The following CELF2 variants were observed in gnomAD, a reference collection of about 807,000 sequenced individuals.
CELF2 encodes CUG triplet repeat RNA-binding protein 2.
CELF2 carries 8 observed loss-of-function variants against 62.6 expected under a neutral mutation model. That is an observed-to-expected ratio of 0.13 (90% CI 0.07 to 0.23). CELF2 has a LOEUF of 0.23. Among genes scored for constraint, CELF2 ranks in the 10% least tolerant of loss-of-function variants. The pLI, the probability that CELF2 is intolerant of heterozygous loss-of-function variation, is 1.00. For synonymous variants in CELF2, 258 were observed against 250.0 expected (o/e 1.03, Z -0.30); for missense variants, 333 against 671.0 (o/e 0.50, Z 5.56).
rs771514885 is a variant in CELF2 at position 11,288,452 on chromosome 10, G to A, written c.876G>A (p.Thr292=). Residue 292 remains threonine (T), a synonymous_variant, in exon 9 of 13, where the codon ACG becomes ACA. Transcript: ENST00000633077. ...CTTTACAGTTGCAGAACCTGGCGAC[G>A]CTGGCTGCTGCTGCAGCTGCGGCCC... ...MNALQLQNLA[T]LAAAAAAAQT... is the part of the protein sequence containing the mutation. The A allele has an allele frequency of 7.4e-6, 12 of 1,613,764 alleles. No homozygotes were observed. Among genetic ancestry groups the A allele is most frequent in the African/African-American group, 4.0e-5 (3 of 74,922 alleles).
chr10:11,239,365 A>T (rs1326347562), intron 3 of CELF2, among the ~76,000 whole-genome samples: 1 of 152,136 alleles, frequency 6.6e-6, no homozygotes, highest in Non-Finnish European at 1.5e-5. Flanking sequence ...CTCCATCACT[A>T]GATTATTAGC....
At chr10:10,744,062 A>T in the CELF2 span, among the ~76,000 whole-genome samples, 1 of 152,052 alleles carries the variant, frequency 6.6e-6, no homozygotes, top group African/African-American at 2.4e-5. Context: ...TCCTCCAAAG[A>T]CTCAGATAAG....
At chr10:10,703,424 G>A in the CELF2 span, among the ~76,000 whole-genome samples, 1 of 152,210 alleles carries the variant, frequency 6.6e-6, no homozygotes, top group Admixed American at 6.5e-5. Context: ...TTAACCAACA[G>A]TGAGACTGTC....
At chr10:10,820,569 GA>G (rs1206243399) in intron 1 of CELF2, among the ~76,000 whole-genome samples, 1 of 152,164 alleles carries the variant, frequency 6.6e-6, no homozygotes, top group Admixed American at 6.5e-5. Context: ...ACAGTAGTGA[GA>G]TAACACAAAA....
the CELF2 span, among the ~76,000 whole-genome samples, chr10:10,662,092 A>T: frequency 9.9e-5 from 15 of 152,114 alleles, no homozygotes; most frequent in Middle Eastern, 3.2e-3. Context: ...TGAGCCATTA[A>T]CAGCCAGCAC....
At chr10:10,790,887 G>T in the CELF2 span, among the ~76,000 whole-genome samples, 1 of 152,000 alleles carries the variant, frequency 6.6e-6, no homozygotes, top group Non-Finnish European at 1.5e-5. Flanking sequence ...AATTCAGTAG[G>T]ACTCTCAAGC....
rs585139 is a variant in CELF2 at position 11,171,637 on chromosome 10, A to G, written c.271+5955A>G. ...CCAGAAGTTTCTTCTGTGCCATGGT[A>G]GAGTGAGGGTAGGCCCTGGGGAAGA... On this transcript the variant is annotated intron_variant, in intron 2 of 12. Transcript: ENST00000633077. 7.2e-3 allele frequency among the ~76,000 whole-genome samples: 1,102 copies of G among 152,316 alleles called. 16 individuals are homozygous for G. Among genetic ancestry groups the G allele is most frequent in the African/African-American group, 0.025 (1,055 of 41,566 alleles).
chr10:11,310,623 C>T (rs1306286913), intron 9 of CELF2, among the ~76,000 whole-genome samples: 1 of 151,530 alleles, frequency 6.6e-6, no homozygotes, highest in Non-Finnish European at 1.5e-5. Context: ...ATGTTCAGGC[C>T]TTTTTTGCTG....
At chr10:11,128,890 C>G (rs2059166393) in intron 1 of CELF2, among the ~76,000 whole-genome samples, 1 of 152,126 alleles carries the variant, frequency 6.6e-6, no homozygotes, top group Admixed American at 6.5e-5. Flanking sequence ...GACTGATTGC[C>G]CTGGCCAGAA....
At position 10,947,397 on chromosome 10, in the gene CELF2, G is replaced by C. The variant is rs1276249434; in HGVS notation, c.89+27398G>C. On this transcript the variant is annotated intron_variant, in intron 2 of 13. Transcript: ENST00000636488. This position sits in a 1 kb window ranked among gnomAD's most constrained non-coding sequence, Gnocchi z 4.1. ...CTGTTCACCATTTGACACAAGAAAT[G>C]AACAGCTCTTTTGCCTTACAAGGCA... 1 of 152,616 alleles carries C rather than the reference G, an allele frequency of 6.6e-6. No individual in the cohort carries two copies. The highest frequency in any genetic ancestry group is 2.4e-5 in the African/African-American group (1 of 41,442). 9.5% of individuals were successfully genotyped at this position (152,616 alleles called of 1,614,324 possible). A position where few individuals can be genotyped will look rare whatever the true frequency, so the allele number is the denominator to read the frequency against.
Position 11,082,240 on chromosome 10 carries a change from C to T in CELF2, c.74+64077C>T, listed in dbSNP as rs542583280. On this transcript the variant is annotated intron_variant, in intron 1 of 12. Coordinates refer to ENST00000633077, the MANE Select transcript of CELF2 (RefSeq NM_001326342.2). ...AAAACATAGGAAAAAAAAATGGTATCCTGCTTCTAGCTCCTTCCAACAGAG... is the reference window on the plus strand; with the variant it reads ...AAAACATAGGAAAAAAAAATGGTATTCTGCTTCTAGCTCCTTCCAACAGAG... Among the ~76,000 whole-genome samples, 13 of 152,318 alleles carry T rather than the reference C, an allele frequency of 8.5e-5. 1 individual carries two copies. The highest frequency in any genetic ancestry group is 3.1e-4 in the African/African-American group (13 of 41,574).
At chr10:10,679,187 A>G in the CELF2 span, among the ~76,000 whole-genome samples, 3 of 152,232 alleles carry the variant, frequency 2.0e-5, no homozygotes, top group Non-Finnish European at 4.4e-5. Context: ...GCAGTATGAT[A>G]TATCTCCAAT....
chr10:10,554,921 A>G, the CELF2 span, among the ~76,000 whole-genome samples: 2 of 152,198 alleles, frequency 1.3e-5, no homozygotes, highest in African/African-American at 4.8e-5. Context: ...AGCATTATAC[A>G]TAGAACATGG....
At chr10:11,087,506 G>C (rs576183344) in intron 1 of CELF2, among the ~76,000 whole-genome samples, 1 of 152,216 alleles carries the variant, frequency 6.6e-6, no homozygotes, top group African/African-American at 2.4e-5. Flanking sequence ...CTGACGGCCC[G>C]TCGACTGACG....
chr10:11,043,143 A>C (rs938490248), intron 1 of CELF2, among the ~76,000 whole-genome samples: 4 of 152,198 alleles, frequency 2.6e-5, no homozygotes, highest in African/African-American at 9.6e-5. Flanking sequence ...TGAGGTTCCA[A>C]CTTGCTGCAT....
At chr10:11,187,390 C>T (rs974142842) in intron 2 of CELF2, among the ~76,000 whole-genome samples, 1 of 152,096 alleles carries the variant, frequency 6.6e-6, no homozygotes, top group Non-Finnish European at 1.5e-5. Context: ...TTTACATTCT[C>T]TCTCTTCACG....
the CELF2 span, among the ~76,000 whole-genome samples, chr10:10,661,857 C>T: frequency 2.6e-5 from 4 of 152,094 alleles, no homozygotes; most frequent in African/African-American, 4.8e-5. Flanking sequence ...TGAATTTCAG[C>T]CTTATTCTCA....
chr10:10,705,543 A>G, the CELF2 span, among the ~76,000 whole-genome samples: 2,755 of 152,214 alleles, frequency 0.018, 44 homozygotes, highest in African/African-American at 0.042. Flanking sequence ...CTAAAATTAT[A>G]CGCAAAAATC....
At chr10:10,764,341 G>A in the CELF2 span, among the ~76,000 whole-genome samples, 2 of 152,168 alleles carry the variant, frequency 1.3e-5, no homozygotes, top group African/African-American at 2.4e-5. Context: ...GGAACATGGC[G>A]CCGATCTCAT....
Sources: allele counts gnomAD v4.1 joint callset (sites outside exome capture counted in the v4.1 genomes callset), GRCh38; gene constraint gnomAD v4.1.1; non-coding constraint Gnocchi (gnomAD v3.1); transcripts MANE v1.5; gene names NCBI Gene and HGNC (gene_info 2026-07-23, HGNC 2026-07-21).